Variants in ERC2 observed in about 807,000 individuals in gnomAD.
The protein encoded by ERC2 is ERC protein 2.
In ERC2, 42 loss-of-function variants were observed where a neutral mutation model predicts 114.8. That is an observed-to-expected ratio of 0.37 (90% CI 0.29 to 0.47). ERC2 has a LOEUF of 0.47. Ranked by LOEUF, ERC2 falls within the 20% of genes least tolerant of loss-of-function variation. The pLI, the probability that ERC2 is intolerant of heterozygous loss-of-function variation, is 0.99. For missense variants in ERC2, 939 were observed against 1,150.7 expected (o/e 0.82, Z 2.66); for synonymous variants, 454 against 425.5 (o/e 1.07, Z -0.82).
At chr3:55,986,115 A>T (rs1020612230) in intron 11 of ERC2, 127 bp from the exon 12 acceptor site, 1 of 926,830 alleles carries the variant, frequency 1.1e-6, no homozygotes. Flanking sequence ...TTATATCAGC[A>T]GGTTTATAAC....
intron 7 of ERC2, among the ~76,000 whole-genome samples, chr3:56,046,912 C>A (rs1321422300): frequency 1.3e-5 from 2 of 152,190 alleles, no homozygotes; most frequent in East Asian, 3.9e-4. Flanking sequence ...ACAGCACATG[C>A]AGAATTTACA....
At chr3:56,237,078 C>T (rs2050997535) in intron 3 of ERC2, among the ~76,000 whole-genome samples, 1 of 152,120 alleles carries the variant, frequency 6.6e-6, no homozygotes, top group Non-Finnish European at 1.5e-5. Flanking sequence ...GCCCTTCTGC[C>T]CACTCTCCTC....
intron 2 of ERC2, among the ~76,000 whole-genome samples, chr3:56,433,568 C>T (rs1055229306): frequency 1.4e-4 from 21 of 152,198 alleles, no homozygotes; most frequent in African/African-American, 3.4e-4. Context: ...TTGGCCCAGG[C>T]CTTCTAGTAG....
At chr3:55,961,853 C>CAA (rs56292252) in intron 12 of ERC2, among the ~76,000 whole-genome samples, 3,399 of 136,274 alleles carry the variant, frequency 0.025, 113 homozygotes, top group African/African-American at 0.073. Context: ...GATACCCAGT[C>CAA]AAAAAAAAAA....
At chr3:55,673,641 T>C (rs1026760113) in intron 17 of ERC2, among the ~76,000 whole-genome samples, 2 of 152,058 alleles carry the variant, frequency 1.3e-5, no homozygotes, top group African/African-American at 4.8e-5. Flanking sequence ...ACATGATTTT[T>C]ATCATGCTCC....
At chr3:55,890,956 A>T (rs1350542254) in intron 13 of ERC2, among the ~76,000 whole-genome samples, 3 of 152,206 alleles carry the variant, frequency 2.0e-5, no homozygotes, top group Non-Finnish European at 4.4e-5. Context: ...TCAGTTTCCT[A>T]GATGATGGCC....
chr3:56,154,708 C>A (rs2081600318), intron 4 of ERC2, among the ~76,000 whole-genome samples: 1 of 152,184 alleles, frequency 6.6e-6, no homozygotes, highest in South Asian at 2.1e-4. Flanking sequence ...CTGACCTTTA[C>A]AGAGTCACAA....
chr3:56,297,008 ACAAACACACT>A (rs1340149469), intron 2 of ERC2, among the ~76,000 whole-genome samples: 4 of 152,232 alleles, frequency 2.6e-5, no homozygotes. Context: ...GCAGGCACAG[ACAAACACACT>A]CAAACACACA....
chr3:55,620,002 C>G (rs1204398868), intron 17 of ERC2, among the ~76,000 whole-genome samples: 1 of 152,192 alleles, frequency 6.6e-6, no homozygotes, highest in Non-Finnish European at 1.5e-5. Flanking sequence ...ACTTCACAGA[C>G]TTTGGCATTA....
chr3:55,710,574 G>A (rs1394078787), intron 15 of ERC2, among the ~76,000 whole-genome samples: 1 of 152,052 alleles, frequency 6.6e-6, no homozygotes, highest in Non-Finnish European at 1.5e-5. Context: ...ATTTAAGGTG[G>A]AATCCAAAAA....
chr3:55,800,063 T>C (rs188341558), intron 14 of ERC2, among the ~76,000 whole-genome samples: 1 of 152,312 alleles, frequency 6.6e-6, no homozygotes, highest in African/African-American at 2.4e-5. Flanking sequence ...TGATTACTAG[T>C]GAGAGCTTGT....
rs147088112 is a variant in ERC2, at chr3:56,309,547, C to T, written c.658-13112G>A. On this transcript the variant is annotated intron_variant, in intron 2 of 17. Transcript: ENST00000288221. Reference sequence around the variant, plus strand: ...TGGGGAAAAATCACTAAACTTGTCTCAGCTTCCGAGAACAGTGGTGAAGAG... The same window carrying T: ...TGGGGAAAAATCACTAAACTTGTCTTAGCTTCCGAGAACAGTGGTGAAGAG... Among the ~76,000 whole-genome samples, 14 of 152,334 alleles carry T rather than the reference C, an allele frequency of 9.2e-5. 1 individual carries two copies. In the East Asian group the frequency reaches 2.3e-3, roughly 25 times the overall value.
intron 13 of ERC2, among the ~76,000 whole-genome samples, chr3:55,891,619 G>A (rs1013363588): frequency 3.3e-5 from 5 of 151,754 alleles, no homozygotes; most frequent in African/African-American, 7.3e-5. Context: ...GCTAATTTTT[G>A]TATTTTTAGT....
intron 15 of ERC2, among the ~76,000 whole-genome samples, chr3:55,720,482 A>G (rs2064477363): frequency 6.6e-6 from 1 of 151,278 alleles, no homozygotes; most frequent in African/African-American, 2.4e-5. Flanking sequence ...ATGAGGTCTC[A>G]CTATGTTGGC....
At chr3:55,868,147 G>A (rs930695912) in intron 14 of ERC2, among the ~76,000 whole-genome samples, 1 of 152,138 alleles carries the variant, frequency 6.6e-6, no homozygotes, top group Non-Finnish European at 1.5e-5. Context: ...TAATCTTTAA[G>A]TGAAGTAAGC....
At chr3:55,674,639 G>A (rs1302868647) in intron 17 of ERC2, among the ~76,000 whole-genome samples, 1 of 152,176 alleles carries the variant, frequency 6.6e-6, no homozygotes, top group East Asian at 1.9e-4. Context: ...GCAGCGAGGG[G>A]TCTTTCGCCA....
intron 3 of ERC2, among the ~76,000 whole-genome samples, chr3:56,180,670 T>C (rs952614866): frequency 6.6e-6 from 1 of 151,820 alleles, no homozygotes; most frequent in Non-Finnish European, 1.5e-5. Context: ...AAATGAGGAG[T>C]TGTATAATGG....
At chr3:55,584,842 A>G (rs2057512544) in intron 17 of ERC2, among the ~76,000 whole-genome samples, 1 of 152,220 alleles carries the variant, frequency 6.6e-6, no homozygotes, top group Non-Finnish European at 1.5e-5. Context: ...GTACTTGGGC[A>G]TTCCCGCCCC....
intron 4 of ERC2, among the ~76,000 whole-genome samples, chr3:56,163,005 A>G (rs754954013): frequency 6.6e-6 from 1 of 152,036 alleles, no homozygotes; most frequent in Non-Finnish European, 1.5e-5. Flanking sequence ...GGCACTTAGC[A>G]CTACAAACTT....
Sources: allele counts gnomAD v4.1 joint callset (sites outside exome capture counted in the v4.1 genomes callset), GRCh38; gene constraint gnomAD v4.1.1; transcripts MANE v1.5; gene names NCBI Gene and HGNC (gene_info 2026-07-23, HGNC 2026-07-21).